The following DLGAP2 variants were observed in gnomAD, a reference collection of about 807,000 sequenced individuals.
DLGAP2 encodes disks large-associated protein 2.
Under a neutral mutation model 100.3 loss-of-function variants are expected in DLGAP2, and 26 were observed. The ratio of observed to expected loss-of-function variants is 0.26; its 90% CI spans 0.19 to 0.36. The LOEUF (loss-of-function observed/expected upper bound fraction) is 0.36. Ranked by LOEUF, DLGAP2 falls within the 10% of genes least tolerant of loss-of-function variation. The probability of loss-of-function intolerance (pLI) is 1.00; values close to 1 mark genes in which losing one functional copy is unlikely to be tolerated. For synonymous variants in DLGAP2, 886 were observed against 630.1 expected (o/e 1.41, Z -6.08); for missense variants, 1,858 against 1,453.2 (o/e 1.28, Z -4.53).
At chr8:1,374,890 G>A (rs1423049417) in intron 3 of DLGAP2, among the ~76,000 whole-genome samples, 1 of 152,130 alleles carries the variant, frequency 6.6e-6, no homozygotes, top group Non-Finnish European at 1.5e-5. Context: ...TCCGTGACTC[G>A]CCTGTTTCAC....
chr8:1,184,258 A>G (rs1246937473), intron 2 of DLGAP2, among the ~76,000 whole-genome samples: 1 of 152,268 alleles, frequency 6.6e-6, no homozygotes, highest in Non-Finnish European at 1.5e-5. Context: ...TAAAATATGA[A>G]GCATTTGTGA....
At chr8:1,060,925 A>G (rs553893232) in intron 2 of DLGAP2, among the ~76,000 whole-genome samples, 7 of 152,354 alleles carry the variant, frequency 4.6e-5, no homozygotes, top group Non-Finnish European at 7.3e-5. Context: ...ACTTACTTGC[A>G]TTCTGAGTGT....
chr8:1,502,312 C>T (rs189702706), intron 4 of DLGAP2, among the ~76,000 whole-genome samples: 5 of 152,320 alleles, frequency 3.3e-5, no homozygotes, highest in African/African-American at 1.2e-4. Context: ...TTTTTAAAAA[C>T]GTATTTCAGA....
At chr8:842,478 G>GA in intron 1 of DLGAP2, among the ~76,000 whole-genome samples, 1 of 152,274 alleles carries the variant, frequency 6.6e-6, no homozygotes. Context: ...AACGCCAGAG[G>GA]ACTTTTACTC....
chr8:1,001,588 C>T (rs1393015035), intron 2 of DLGAP2, among the ~76,000 whole-genome samples: 1 of 152,066 alleles, frequency 6.6e-6, no homozygotes, highest in African/African-American at 2.4e-5. Flanking sequence ...TGGAAAAAAC[C>T]GAATTGCTCT....
At chr8:1,594,399 T>A (rs538851685) in intron 6 of DLGAP2, among the ~76,000 whole-genome samples, 3 of 152,270 alleles carry the variant, frequency 2.0e-5, no homozygotes, top group Non-Finnish European at 4.4e-5. Flanking sequence ...ACATATTTTT[T>A]AAATATGTGC....
At chr8:1,008,709 C>T (rs961491628) in intron 2 of DLGAP2, among the ~76,000 whole-genome samples, 3 of 152,320 alleles carry the variant, frequency 2.0e-5, no homozygotes, top group African/African-American at 2.4e-5. Context: ...CTCACTACAT[C>T]GCCATGCCAG....
At chr8:824,412 C>A (rs917289700) in intron 1 of DLGAP2, among the ~76,000 whole-genome samples, 3 of 152,174 alleles carry the variant, frequency 2.0e-5, no homozygotes, top group Non-Finnish European at 2.9e-5. Flanking sequence ...AGCACAGCCC[C>A]TCTTGATTTA....
intron 6 of DLGAP2, among the ~76,000 whole-genome samples, chr8:1,602,644 G>C (rs901954560): frequency 3.3e-5 from 5 of 152,218 alleles, no homozygotes; most frequent in Non-Finnish European, 7.3e-5. Context: ...TACCAGCTCA[G>C]AGACCACCAA....
At position 1,017,982 on chromosome 8, in the gene DLGAP2, C is replaced by T. The variant is rs558860656; in HGVS notation, c.73+110016C>T. ...TAGTTGTGGCAGAGAACAAGTGTAC[C>T]CCACAACCTGAACTATTCCCACCCC... On this transcript the variant is annotated intron_variant, in intron 2 of 14. Coordinates refer to ENST00000637795, the MANE Select transcript of DLGAP2 (RefSeq NM_001346810.2). 3.9e-5 allele frequency among the ~76,000 whole-genome samples: 6 copies of T among 152,286 alleles called. No individual in the cohort carries two copies. In the South Asian group the frequency reaches 1.2e-3, roughly 32 times the overall value.
intron 4 of DLGAP2, among the ~76,000 whole-genome samples, chr8:1,532,333 T>C (rs1801013514): frequency 6.6e-6 from 1 of 152,354 alleles, no homozygotes; most frequent in South Asian, 2.1e-4. Flanking sequence ...ATCTAAATGC[T>C]TTATAAATTT....
intron 2 of DLGAP2, among the ~76,000 whole-genome samples, chr8:1,043,167 G>C (rs1802412295): frequency 7.8e-6 from 1 of 128,742 alleles, no homozygotes; most frequent in South Asian, 2.4e-4. Context: ...GGTGGACGTG[G>C]GTGGTGGGTG....
intron 2 of DLGAP2, among the ~76,000 whole-genome samples, chr8:1,143,090 T>G (rs1796549401): frequency 6.6e-6 from 1 of 152,240 alleles, no homozygotes; most frequent in Admixed American, 6.5e-5. Context: ...GGCCACCAGC[T>G]GCTTGATGTT....
intron 3 of DLGAP2, among the ~76,000 whole-genome samples, chr8:1,472,785 C>T (rs1798836481): frequency 6.6e-6 from 1 of 152,308 alleles, no homozygotes; most frequent in East Asian, 1.9e-4. Flanking sequence ...GTGAGTTGAA[C>T]TCCCATAAAA....
intron 2 of DLGAP2, among the ~76,000 whole-genome samples, chr8:968,615 G>C (rs2129011790): frequency 6.6e-6 from 1 of 152,298 alleles, no homozygotes; most frequent in East Asian, 1.9e-4. Flanking sequence ...TCCTCAGTTG[G>C]GAGGGCTGGG....
chr8:817,855 C>A (rs891083235), intron 1 of DLGAP2, among the ~76,000 whole-genome samples: 3 of 152,160 alleles, frequency 2.0e-5, no homozygotes, highest in Admixed American at 6.5e-5. Context: ...AGCACCTGCT[C>A]CGGCGGAGGG....
chr8:883,798 A>C (rs376370491), intron 1 of DLGAP2, among the ~76,000 whole-genome samples: 1 of 152,124 alleles, frequency 6.6e-6, no homozygotes, highest in East Asian at 1.9e-4. Flanking sequence ...CCCACTCCCT[A>C]ACTCGCAACA....
chr8:1,347,040 A>G (rs946630377), intron 3 of DLGAP2, among the ~76,000 whole-genome samples: 7 of 151,454 alleles, frequency 4.6e-5, no homozygotes, highest in Non-Finnish European at 7.4e-5. Context: ...CACTGCTCTC[A>G]TGGTAACTGT....
chr8:898,539 G>C (rs1386374393), intron 1 of DLGAP2, among the ~76,000 whole-genome samples: 2 of 152,154 alleles, frequency 1.3e-5, no homozygotes, highest in Non-Finnish European at 2.9e-5. Flanking sequence ...CATGATTGGG[G>C]GTGCTGTGTG....
Sources: allele counts gnomAD v4.1 joint callset (sites outside exome capture counted in the v4.1 genomes callset), GRCh38; gene constraint gnomAD v4.1.1; transcripts MANE v1.5; gene names NCBI Gene and HGNC (gene_info 2026-07-23, HGNC 2026-07-21).